SLC25A13: variants seen among roughly 807,000 people sequenced by gnomAD.
SLC25A13 encodes electrogenic aspartate/glutamate antiporter SLC25A13, mitochondrial.
Under a neutral mutation model 85.5 loss-of-function variants are expected in SLC25A13, and 70 were observed. The observed-to-expected ratio is 0.82, with a 90% CI of 0.68 to 1.00. The LOEUF (loss-of-function observed/expected upper bound fraction) is 1.00. Ranked by LOEUF, SLC25A13 falls within the 50% of genes least tolerant of loss-of-function variation. The pLI is 0.00. For synonymous variants in SLC25A13, 259 were observed against 288.7 expected (o/e 0.90, Z 1.04); for missense variants, 765 against 819.8 (o/e 0.93, Z 0.82).
intron 1 of SLC25A13, chr7:96,306,807 C>G (rs746841746): frequency 5.8e-6 from 8 of 1,374,934 alleles, no homozygotes; most frequent in Non-Finnish European, 7.3e-6. Flanking sequence ...TCTCTACCCC[C>G]AGGGACTCAG....
At chr7:96,294,783 T>G (rs997699218) in intron 2 of SLC25A13, among the ~76,000 whole-genome samples, 1 of 152,148 alleles carries the variant, frequency 6.6e-6, no homozygotes, top group Non-Finnish European at 1.5e-5. Context: ...GCTCAAGCCA[T>G]CCTCCTGCCT....
chr7:96,132,706 A>C (rs576150769), intron 14 of SLC25A13, among the ~76,000 whole-genome samples: 2 of 152,348 alleles, frequency 1.3e-5, no homozygotes, highest in East Asian at 3.9e-4. Context: ...ACTTTTCAAC[A>C]TGTAATGATT....
chr7:96,306,685 A>C, intron 1 of SLC25A13: 1 of 771,386 alleles, frequency 1.3e-6, no homozygotes. Context: ...GGATGGGAGT[A>C]CAGCAGCCAA....
intron 12 of SLC25A13, among the ~76,000 whole-genome samples, chr7:96,171,186 C>G (rs576126873): frequency 6.6e-6 from 1 of 152,174 alleles, no homozygotes; most frequent in South Asian, 2.1e-4. Context: ...ACGTAATATA[C>G]GTCATGTGCC....
intron 11 of SLC25A13, among the ~76,000 whole-genome samples, chr7:96,183,970 T>C (rs1166181685): frequency 6.6e-6 from 1 of 152,172 alleles, no homozygotes; most frequent in Admixed American, 6.5e-5. Context: ...AGCTGGAGAA[T>C]AGAGTACTTC....
chr7:96,244,294 G>C (rs1797100749), intron 3 of SLC25A13, among the ~76,000 whole-genome samples: 1 of 152,140 alleles, frequency 6.6e-6, no homozygotes, highest in Non-Finnish European at 1.5e-5. Context: ...GAAACTACCA[G>C]TTAGGCAGAT....
At chr7:96,137,028 A>T (rs891568557) in intron 14 of SLC25A13, among the ~76,000 whole-genome samples, 4 of 152,162 alleles carry the variant, frequency 2.6e-5, no homozygotes, top group African/African-American at 9.7e-5. Context: ...CAGAGCTACA[A>T]ACAATGGGCA....
At chr7:96,148,071 A>C (rs1792876448) in intron 13 of SLC25A13, among the ~76,000 whole-genome samples, 1 of 151,840 alleles carries the variant, frequency 6.6e-6, no homozygotes, top group African/African-American at 2.4e-5. Flanking sequence ...TCGTTCATTA[A>C]CTCTCTAAAT....
At chr7:96,304,363 G>T (rs1225330193) in intron 1 of SLC25A13, among the ~76,000 whole-genome samples, 1 of 152,178 alleles carries the variant, frequency 6.6e-6, no homozygotes, top group East Asian at 1.9e-4. Flanking sequence ...AGGCACTAGA[G>T]ATGTTTATCA....
intron 5 of SLC25A13, among the ~76,000 whole-genome samples, chr7:96,198,264 A>T (rs1795135982): frequency 6.6e-6 from 1 of 152,200 alleles, no homozygotes; most frequent in Non-Finnish European, 1.5e-5. Context: ...CAGGGTTGTA[A>T]AAACCAGAGG....
chr7:96,168,243 ATAAACTCTTACT>A (rs1345596067), intron 13 of SLC25A13, among the ~76,000 whole-genome samples: 1 of 152,020 alleles, frequency 6.6e-6, no homozygotes, highest in Non-Finnish European at 1.5e-5. Flanking sequence ...TTAACTGAAA[ATAAACTCTTACT>A]TCTTAAAGTA....
intron 4 of SLC25A13, among the ~76,000 whole-genome samples, chr7:96,220,294 T>A (rs1796067150): frequency 1.3e-5 from 2 of 152,248 alleles, no homozygotes; most frequent in African/African-American, 4.8e-5. Context: ...AGCATTAACA[T>A]ACATTTAACC....
At chr7:96,137,845 G>A (rs1420924709) in intron 14 of SLC25A13, among the ~76,000 whole-genome samples, 1 of 152,164 alleles carries the variant, frequency 6.6e-6, no homozygotes, top group Non-Finnish European at 1.5e-5. Context: ...GGATGGTCCT[G>A]ACCTTTTGAC....
chr7:96,225,273 A>T (rs1796289839), intron 4 of SLC25A13, among the ~76,000 whole-genome samples: 1 of 152,160 alleles, frequency 6.6e-6, no homozygotes, highest in African/African-American at 2.4e-5. Context: ...CCCAGTGTGC[A>T]GTGGCTCATG....
intron 14 of SLC25A13, among the ~76,000 whole-genome samples, chr7:96,138,824 C>G (rs1322720735): frequency 6.6e-6 from 1 of 152,048 alleles, no homozygotes; most frequent in Non-Finnish European, 1.5e-5. Context: ...TTAAGGAATC[C>G]TTTTTTTCTG....
At chr7:96,310,502 T>C (rs1292064772) in intron 1 of SLC25A13, among the ~76,000 whole-genome samples, 1 of 152,244 alleles carries the variant, frequency 6.6e-6, no homozygotes, top group East Asian at 1.9e-4. Flanking sequence ...GATCACTTGG[T>C]TGAAGCAGAT....
intron 1 of SLC25A13, among the ~76,000 whole-genome samples, chr7:96,316,636 C>T (rs1292149991): frequency 3.3e-5 from 5 of 152,196 alleles, no homozygotes; most frequent in African/African-American, 1.2e-4. Flanking sequence ...TCCCCTAACT[C>T]AGTTTTCTCA....
rs756182703 is a variant in SLC25A13 at position 96,131,844 on chromosome 7, GAGAA to G, written c.1486_1489del (p.Phe496ArgfsTer11). ...AGCATAGCACGGAAAGTAGATGGCC[GAGAA>G]AGGAATGTCCCGCAGAAAGCATGCT... On this transcript the variant is annotated frameshift_variant, in exon 15 of 18. Transcript: ENST00000265631. LOFTEE classifies it high-confidence loss of function. 1.9e-6 allele frequency: 3 copies of G among 1,613,996 alleles called. No homozygotes were observed. The Admixed American group carries it at 5.0e-5, about 27-fold the overall frequency.
intron 3 of SLC25A13, among the ~76,000 whole-genome samples, chr7:96,258,007 A>AAATTCAAC (rs1797705650): frequency 6.6e-6 from 1 of 152,244 alleles, no homozygotes; most frequent in Non-Finnish European, 1.5e-5. Flanking sequence ...GCCTTTGATA[A>AAATTCAAC]AATTCAACAT....
Sources: gnomAD v4.1 joint callset for allele counts (sites outside exome capture counted in the v4.1 genomes callset) on GRCh38, gnomAD v4.1.1 for gene constraint, MANE v1.5 for transcripts, NCBI Gene and HGNC (gene_info 2026-07-23, HGNC 2026-07-21) for gene names.